AP3M1: variants seen among roughly 807,000 people sequenced by gnomAD.
AP3M1 encodes the protein adaptor related protein complex 3 subunit mu 1, also known as AP-3 complex subunit mu-1.
A neutral mutation model predicts 42.6 loss-of-function variants in AP3M1; 29 were observed. That is an observed-to-expected ratio of 0.68 (90% CI 0.51 to 0.93). AP3M1 has a LOEUF of 0.93. Ranked by LOEUF, AP3M1 falls within the 40% of genes least tolerant of loss-of-function variation. AP3M1 has a pLI of 0.00. For missense variants in AP3M1, 416 were observed against 510.2 expected (o/e 0.82, Z 1.78); for synonymous variants, 178 against 175.3 (o/e 1.02, Z -0.12).
rs1381826386 is a variant in AP3M1 at position 74,123,498 on chromosome 10, G to C, written c.*312C>G. On this transcript the variant is annotated 3_prime_UTR_variant, in exon 9 of 9. Coordinates refer to ENST00000355264, the MANE Select transcript of AP3M1 (RefSeq NM_012095.6). Reference sequence around the variant, plus strand: ...ACCAGTTAACTCTTTTAGGAGAGAGGTTATCACTACAGCTTTCTGCCTTTA... The same window carrying C: ...ACCAGTTAACTCTTTTAGGAGAGAGCTTATCACTACAGCTTTCTGCCTTTA... The C allele has an allele frequency of 3.0e-6, 1 of 334,058 alleles. No homozygotes were observed. The highest frequency in any genetic ancestry group is 4.2e-5 in the South Asian group (1 of 23,620). The allele number at this position is 334,058 out of a possible 1,614,324, so 20.7% of individuals were successfully genotyped here. A position where few individuals can be genotyped will look rare whatever the true frequency, so the allele number is the denominator to read the frequency against.
At chr10:74,137,067 C>G (rs1194422058) in intron 2 of AP3M1, among the ~76,000 whole-genome samples, 2 of 152,246 alleles carry the variant, frequency 1.3e-5, no homozygotes, top group East Asian at 3.9e-4. Flanking sequence ...TGGTGAAACC[C>G]TGTCTCTACT....
At chr10:74,148,965 TG>T (rs1464983741) in intron 1 of AP3M1, among the ~76,000 whole-genome samples, 3 of 151,516 alleles carry the variant, frequency 2.0e-5, no homozygotes, top group African/African-American at 7.3e-5. Context: ...CTCCGCTTCC[TG>T]GGTTCAAGCG....
Position 74,123,714 on chromosome 10 carries a change from A to G in AP3M1, c.*96T>C. 1.1e-6 allele frequency: 1 copy of G among 917,536 alleles called. No individual in the cohort carries two copies. Among genetic ancestry groups the G allele is most frequent in the Non-Finnish European group, 1.8e-6 (1 of 559,304 alleles). The allele number at this position is 917,536 out of a possible 1,614,324, so 56.8% of individuals were successfully genotyped here. ...TGTGTAGCTAGACACAAATGCTTTA[A>G]CTAGAATATGTATTCCCACTCACTT... On this transcript the variant is annotated 3_prime_UTR_variant, in exon 9 of 9. Coordinates refer to ENST00000355264, the MANE Select transcript of AP3M1 (RefSeq NM_012095.6).
chr10:74,129,004 T>C (rs1320948413), intron 6 of AP3M1, 104 bp downstream of exon 6: 2 of 1,380,476 alleles, frequency 1.4e-6, no homozygotes, highest in Non-Finnish European at 2.0e-6. Context: ...ATGGTTAAAG[T>C]GAGCAGTGAT....
intron 4 of AP3M1, among the ~76,000 whole-genome samples, chr10:74,132,527 C>CA (rs201441931): frequency 2.1e-4 from 32 of 150,892 alleles, no homozygotes; most frequent in Non-Finnish European, 4.1e-4. Context: ...CCTGTCTGTA[C>CA]AAAAAAAACA....
chr10:74,133,192 C>T (rs1591748867), intron 4 of AP3M1, among the ~76,000 whole-genome samples: 1 of 152,108 alleles, frequency 6.6e-6, no homozygotes, highest in Admixed American at 6.5e-5. Flanking sequence ...TTCAGGAGTT[C>T]GAGACCAGCC....
chr10:74,132,742 A>G (rs954709912), intron 4 of AP3M1, among the ~76,000 whole-genome samples: 1 of 151,066 alleles, frequency 6.6e-6, no homozygotes, highest in Non-Finnish European at 1.5e-5. Context: ...AAAAATAATC[A>G]GATAGGGGCT....
At chr10:74,140,435 T>C (rs1307998510) in intron 1 of AP3M1, among the ~76,000 whole-genome samples, 1 of 152,226 alleles carries the variant, frequency 6.6e-6, no homozygotes, top group East Asian at 1.9e-4. Context: ...GAAAAGCTTT[T>C]CATTTTGAAA....
rs1263780590 is a variant in AP3M1, at chr10:74,123,220, G to A, written c.*590C>T. Reference sequence around the variant, plus strand: ...AAAAATACAATACCAAGTACAGTGAGAATGGAGCATGGAGCAGCAGTGCTC... The same window carrying A: ...AAAAATACAATACCAAGTACAGTGAAAATGGAGCATGGAGCAGCAGTGCTC... On this transcript the variant is annotated 3_prime_UTR_variant, in exon 9 of 9. Transcript: ENST00000355264. The A allele has an allele frequency of 1.3e-5, 2 of 152,844 alleles. No homozygotes were observed. Among genetic ancestry groups the A allele is most frequent in the African/African-American group, 2.4e-5 (1 of 41,474 alleles). The allele number at this position is 152,844 out of a possible 1,614,324, so 9.5% of individuals were successfully genotyped here.
chr10:74,133,388 G>C (rs1840840165), intron 4 of AP3M1, among the ~76,000 whole-genome samples: 1 of 148,146 alleles, frequency 6.8e-6, no homozygotes, highest in Admixed American at 6.7e-5. Flanking sequence ...GAGTGAAACT[G>C]CGTCTCAAAA....
intron 1 of AP3M1, among the ~76,000 whole-genome samples, chr10:74,148,009 A>T (rs1841384979): frequency 1.3e-5 from 2 of 152,112 alleles, no homozygotes; most frequent in South Asian, 4.1e-4. Flanking sequence ...GAAAAAAAAA[A>T]TAGTTTTGGT....
chr10:74,149,820 T>C, intron 1 of AP3M1, among the ~76,000 whole-genome samples: 1 of 152,036 alleles, frequency 6.6e-6, no homozygotes, highest in East Asian at 1.9e-4. Context: ...CCCCAAACTT[T>C]CCCCCACCTT....
At chr10:74,147,511 T>C (rs898165250) in intron 1 of AP3M1, among the ~76,000 whole-genome samples, 1 of 152,220 alleles carries the variant, frequency 6.6e-6, no homozygotes, top group Admixed American at 6.5e-5. Context: ...ATTTATGAAA[T>C]GTGGAATAAT....
rs1354029476 is a variant in AP3M1 at position 74,122,288 on chromosome 10, T to C, written c.*1522A>G. ...CACCAACCAGCAGCCCTTGACAGCATAGATGGGATGAGTGTAAGGGCTATC... is the reference window on the plus strand; with the variant it reads ...CACCAACCAGCAGCCCTTGACAGCACAGATGGGATGAGTGTAAGGGCTATC... On this transcript the variant is annotated 3_prime_UTR_variant, in exon 9 of 9. Transcript: ENST00000355264. 3 of 152,040 alleles carry C rather than the reference T, an allele frequency of 2.0e-5. No individual in the cohort carries two copies. Among genetic ancestry groups the C allele is most frequent in the African/African-American group, 2.4e-5 (1 of 41,388 alleles). 9.4% of individuals were successfully genotyped at this position (152,040 alleles called of 1,614,324 possible).
intron 1 of AP3M1, among the ~76,000 whole-genome samples, chr10:74,140,437 A>G (rs915337725): frequency 6.6e-6 from 1 of 152,198 alleles, no homozygotes; most frequent in Non-Finnish European, 1.5e-5. Context: ...AAAGCTTTTC[A>G]TTTTGAAATA....
At chr10:74,146,480 T>C (rs938454991) in intron 1 of AP3M1, among the ~76,000 whole-genome samples, 1 of 152,100 alleles carries the variant, frequency 6.6e-6, no homozygotes, top group Non-Finnish European at 1.5e-5. Flanking sequence ...GAGTCTTGAC[T>C]ATGAGGATGG....
chr10:74,136,071 A>G (rs1234972279), intron 3 of AP3M1, among the ~76,000 whole-genome samples: 1 of 152,264 alleles, frequency 6.6e-6, no homozygotes, highest in Non-Finnish European at 1.5e-5. Flanking sequence ...ACCCAGCTGG[A>G]AGCTTACAAC....
intron 4 of AP3M1, 73 bp downstream of exon 4, chr10:74,133,954 G>C: frequency 6.3e-7 from 1 of 1,577,862 alleles, no homozygotes; most frequent in Non-Finnish European, 8.6e-7. Flanking sequence ...CGCCCGGCCA[G>C]GACTTCAGTT....
intron 7 of AP3M1, among the ~76,000 whole-genome samples, chr10:74,124,887 G>A (rs1004849812): frequency 6.6e-6 from 1 of 152,176 alleles, no homozygotes. Flanking sequence ...AGGTCACATA[G>A]TTAGTCAGAG....
Sources: gnomAD v4.1 joint callset for allele counts (sites outside exome capture counted in the v4.1 genomes callset) on GRCh38, gnomAD v4.1.1 for gene constraint, MANE v1.5 for transcripts, NCBI Gene and HGNC (gene_info 2026-07-23, HGNC 2026-07-21) for gene names.